RB1: variants seen among roughly 807,000 people sequenced by gnomAD.
The protein encoded by RB1 is RB transcriptional corepressor 1.
RB1 carries 18 observed loss-of-function variants against 135.4 expected under a neutral mutation model. That is an observed-to-expected ratio of 0.13 (90% CI 0.09 to 0.20). The LOEUF (loss-of-function observed/expected upper bound fraction) is 0.20, where lower values mean the gene tolerates loss of function less well. Among genes scored for constraint, RB1 ranks in the 10% least tolerant of loss-of-function variants. The pLI is 1.00. For synonymous variants in RB1, 365 were observed against 373.2 expected (o/e 0.98, Z 0.25); for missense variants, 868 against 1,110.0 (o/e 0.78, Z 3.10).
intron 17 of RB1, among the ~76,000 whole-genome samples, chr13:48,392,814 T>G (rs963091200): frequency 6.6e-6 from 1 of 152,110 alleles, no homozygotes; most frequent in African/African-American, 2.4e-5. Flanking sequence ...GCTTGGTGAT[T>G]TTTTTGTTAG....
chr13:48,350,494 C>A (rs934426802), intron 6 of RB1, among the ~76,000 whole-genome samples: 3 of 152,064 alleles, frequency 2.0e-5, no homozygotes, highest in Non-Finnish European at 2.9e-5. Flanking sequence ...CATAACAAAC[C>A]AAAACCTATG....
intron 17 of RB1, among the ~76,000 whole-genome samples, chr13:48,408,339 A>G (rs1220613460): frequency 6.6e-6 from 1 of 152,058 alleles, no homozygotes; most frequent in Non-Finnish European, 1.5e-5. Context: ...GATGATTTCT[A>G]AGTTCAGAAA....
chr13:48,422,016 G>A (rs528402565), intron 17 of RB1, among the ~76,000 whole-genome samples: 1 of 152,026 alleles, frequency 6.6e-6, no homozygotes, highest in East Asian at 1.9e-4. Context: ...CCCATTACTG[G>A]GTATATACCC....
intron 2 of RB1, among the ~76,000 whole-genome samples, chr13:48,312,677 C>A (rs566250500): frequency 6.6e-5 from 10 of 152,228 alleles, no homozygotes; most frequent in Non-Finnish European, 1.0e-4. Context: ...TCACGTCTGT[C>A]CCTTCATTTC....
intron 17 of RB1, among the ~76,000 whole-genome samples, chr13:48,425,148 C>T (rs370852295): frequency 9.9e-5 from 15 of 152,204 alleles, no homozygotes; most frequent in Admixed American, 4.6e-4. Flanking sequence ...TGAGAATCTA[C>T]GAATTTAGTA....
chr13:48,442,147 G>C (rs1949243347), intron 17 of RB1, among the ~76,000 whole-genome samples: 1 of 151,924 alleles, frequency 6.6e-6, no homozygotes, highest in Non-Finnish European at 1.5e-5. Flanking sequence ...TTTAATGTCT[G>C]TTTCTCACAT....
chr13:48,320,485 G>T, intron 2 of RB1: 1 of 724,292 alleles, frequency 1.4e-6, no homozygotes. Context: ...TCTAGCAGAA[G>T]GGGAGGGACG....
intron 17 of RB1, among the ~76,000 whole-genome samples, chr13:48,425,433 T>C (rs1353769958): frequency 6.6e-6 from 1 of 152,230 alleles, no homozygotes; most frequent in African/African-American, 2.4e-5. Flanking sequence ...AAAGGCTGAA[T>C]TTGGTCATAA....
intron 17 of RB1, among the ~76,000 whole-genome samples, chr13:48,430,936 A>G (rs755368382): frequency 5.3e-5 from 8 of 152,154 alleles, no homozygotes; most frequent in South Asian, 2.1e-4. Flanking sequence ...ATAAAATAAT[A>G]TATTTAAAAA....
chr13:48,356,506 T>G (rs1167542731), intron 6 of RB1, among the ~76,000 whole-genome samples: 1 of 151,942 alleles, frequency 6.6e-6, no homozygotes, highest in East Asian at 1.9e-4. Context: ...TTTATTTAAG[T>G]TTGTGTTTTT....
intron 2 of RB1, among the ~76,000 whole-genome samples, chr13:48,316,300 G>C (rs1457973580): frequency 6.6e-6 from 1 of 152,012 alleles, no homozygotes; most frequent in African/African-American, 2.4e-5. Context: ...TGTATAAAAA[G>C]TGCTGTCCTG....
intron 17 of RB1, among the ~76,000 whole-genome samples, chr13:48,442,144 T>C (rs1390956533): frequency 6.6e-6 from 1 of 152,218 alleles, no homozygotes. Flanking sequence ...TCTTTTAATG[T>C]CTGTTTCTCA....
intron 2 of RB1, chr13:48,316,936 C>T (rs915641650): frequency 1.7e-5 from 6 of 362,398 alleles, no homozygotes; most frequent in Non-Finnish European, 3.2e-5. Flanking sequence ...CTAACCAAGG[C>T]GTGCCCGCCC....
At chr13:48,370,724 T>C (rs1952749888) in intron 11 of RB1, among the ~76,000 whole-genome samples, 1 of 152,146 alleles carries the variant, frequency 6.6e-6, no homozygotes, top group South Asian at 2.1e-4. Context: ...CCCTGCCCTT[T>C]TGGGTTTTTA....
rs1219119726 is a variant in RB1, at chr13:48,437,524, C to G, written c.1696-15469C>G. ...TCCTCATGAGAGATTCTTAAATTGT[C>G]AACCAAGGCTGCAGCTAGTTTAAGG... On this transcript the variant is annotated intron_variant, in intron 17 of 26. Transcript: ENST00000267163. 2.6e-5 allele frequency among the ~76,000 whole-genome samples: 4 copies of G among 152,304 alleles called. No individual in the cohort carries two copies. The East Asian group carries it at 7.7e-4, about 29-fold the overall frequency.
intron 2 of RB1, chr13:48,320,472 CA>C (rs1463426786): frequency 1.2e-6 from 1 of 805,556 alleles, no homozygotes; most frequent in East Asian, 2.6e-5. Context: ...TCCTGAGAAA[CA>C]TTCTAGCAGA....
At chr13:48,379,016 C>T (rs1361097042) in intron 13 of RB1, among the ~76,000 whole-genome samples, 2 of 152,148 alleles carry the variant, frequency 1.3e-5, no homozygotes, top group African/African-American at 2.4e-5. Context: ...ACTTCTTGCT[C>T]ATAAGGTCAG....
rs919871210 is a variant in RB1, at chr13:48,320,090, G to A, written c.264+12684G>A. Reference sequence around the variant, plus strand: ...CTTTAGGTACTCCCGGATGGCTTCCGCAATGTCCCGGTCCACGGAATCATC... The same window carrying A: ...CTTTAGGTACTCCCGGATGGCTTCCACAATGTCCCGGTCCACGGAATCATC... On this transcript the variant is annotated intron_variant, in intron 2 of 26. Transcript: ENST00000267163. 3 of 639,326 alleles carry A rather than the reference G, an allele frequency of 4.7e-6. No homozygotes were observed. The South Asian group carries it at 5.8e-5, about 12-fold the overall frequency. 39.6% of individuals were successfully genotyped at this position (639,326 alleles called of 1,614,324 possible).
chr13:48,320,405 TC>T, intron 2 of RB1: 1 of 1,144,916 alleles, frequency 8.7e-7, no homozygotes, highest in Non-Finnish European at 1.3e-6. Context: ...AACCTAAAGC[TC>T]CCTGGTGGGC....
Sources: allele counts gnomAD v4.1 joint callset (sites outside exome capture counted in the v4.1 genomes callset), GRCh38; gene constraint gnomAD v4.1.1; transcripts MANE v1.5; gene names NCBI Gene and HGNC (gene_info 2026-07-23, HGNC 2026-07-21).